RASGEF1B: variants seen among roughly 807,000 people sequenced by gnomAD.
RASGEF1B encodes the protein ras-GEF domain-containing family member 1B.
In RASGEF1B, 30 loss-of-function variants were observed where a neutral mutation model predicts 65.7. The ratio of observed to expected loss-of-function variants is 0.46; its 90% CI spans 0.34 to 0.62. RASGEF1B has a LOEUF of 0.62. RASGEF1B is among the 20% of genes least tolerant of loss of function. The pLI is 0.01. For missense variants in RASGEF1B, 495 were observed against 580.1 expected, an observed-to-expected ratio of 0.85 and a Z score of 1.51; for synonymous variants, 175 against 194.8, an observed-to-expected ratio of 0.90 and a Z score of 0.85.
intron 1 of RASGEF1B, among the ~76,000 whole-genome samples, chr4:81,462,854 AC>A (rs1373786033): frequency 6.6e-6 from 1 of 152,190 alleles, no homozygotes; most frequent in African/African-American, 2.4e-5. Context: ...TTTACTGACT[AC>A]AAATGCCTTC....
At chr4:81,462,103 T>C (rs1238853134) in intron 1 of RASGEF1B, among the ~76,000 whole-genome samples, 1 of 152,206 alleles carries the variant, frequency 6.6e-6, no homozygotes, top group Non-Finnish European at 1.5e-5. Context: ...TTCTGGCACT[T>C]AATGGCTGTG....
At chr4:81,467,895 A>C (rs1032929187) in intron 1 of RASGEF1B, among the ~76,000 whole-genome samples, 5 of 152,344 alleles carry the variant, frequency 3.3e-5, no homozygotes, top group Non-Finnish European at 7.3e-5. Flanking sequence ...AGTGCTGTCA[A>C]AAAGAACTTT....
At chr4:81,436,021 A>G (rs1721620925) in intron 10 of RASGEF1B, among the ~76,000 whole-genome samples, 1 of 151,830 alleles carries the variant, frequency 6.6e-6, no homozygotes, top group South Asian at 2.1e-4. Flanking sequence ...GGGTCAAGCA[A>G]TCCTCTTATC....
chr4:81,439,934 G>T (rs765605205), intron 10 of RASGEF1B, among the ~76,000 whole-genome samples: 3 of 152,082 alleles, frequency 2.0e-5, no homozygotes, highest in Non-Finnish European at 4.4e-5. Flanking sequence ...AACCAAGTTC[G>T]CATTTATTAA....
At chr4:81,466,822 G>GAA (rs1199735968) in intron 1 of RASGEF1B, among the ~76,000 whole-genome samples, 2 of 140,428 alleles carry the variant, frequency 1.4e-5, no homozygotes, top group East Asian at 4.3e-4. Context: ...AAGAAAGAAA[G>GAA]AAAATTTCCA....
chr4:81,466,132 G>A (rs1722795585), intron 1 of RASGEF1B, among the ~76,000 whole-genome samples: 2 of 152,120 alleles, frequency 1.3e-5, no homozygotes. Context: ...TTTGTTTAGT[G>A]GGGAGAGGTT....
At chr4:81,436,640 C>T (rs1417402000) in intron 10 of RASGEF1B, among the ~76,000 whole-genome samples, 3 of 152,162 alleles carry the variant, frequency 2.0e-5, no homozygotes, top group Non-Finnish European at 4.4e-5. Context: ...CCACTAAACA[C>T]CGATCGTGGG....
chr4:81,438,439 C>A (rs1217371347), intron 10 of RASGEF1B, among the ~76,000 whole-genome samples: 3 of 152,244 alleles, frequency 2.0e-5, no homozygotes, highest in Admixed American at 6.5e-5. Context: ...CGTGGGCCAC[C>A]ACGCCCGGCC....
At chr4:81,461,270 G>A (rs994648944) in intron 1 of RASGEF1B, among the ~76,000 whole-genome samples, 2 of 152,182 alleles carry the variant, frequency 1.3e-5, no homozygotes, top group African/African-American at 2.4e-5. Flanking sequence ...AAACGAGGAG[G>A]CAGGGACGTG....
chr4:81,440,897 A>C lies in RASGEF1B; in HGVS notation c.1041T>G (p.Asn347Lys), dbSNP rs1439411726. The change falls in exon 10 of 14, where the codon AAT becomes AAG. Residue 347 changes from asparagine to lysine, a missense_variant. Asn to Lys is a moderately conservative substitution (Grantham distance 94). Coordinates refer to ENST00000264400, the MANE Select transcript of RASGEF1B (RefSeq NM_152545.3). Reference protein sequence around the residue: ...HQMDPSSNFYNYRTALRGAAQ... With the variant: ...HQMDPSSNFYKYRTALRGAAQ... The stretch of plus-strand genomic sequence containing the variant: ...CTGCCCCACGAAGAGCTGTTCGATA[A>C]TTATAGAAATTGCTTGAAGGGTCCA... The C allele has an allele frequency of 1.2e-6, 2 of 1,612,970 alleles. No homozygotes were observed. Among genetic ancestry groups the C allele is most frequent in the African/African-American group, 2.7e-5 (2 of 75,056 alleles).
chr4:81,437,246 A>T (rs982031627), intron 10 of RASGEF1B, among the ~76,000 whole-genome samples: 1 of 152,178 alleles, frequency 6.6e-6, no homozygotes, highest in African/African-American at 2.4e-5. Context: ...CTAAAAAATA[A>T]AAAAATAATA....
At chr4:81,436,277 G>T (rs1721629888) in intron 10 of RASGEF1B, among the ~76,000 whole-genome samples, 1 of 152,130 alleles carries the variant, frequency 6.6e-6, no homozygotes, top group Admixed American at 6.5e-5. Flanking sequence ...CCTAGCCTGT[G>T]TATGATGAAC....
intron 10 of RASGEF1B, among the ~76,000 whole-genome samples, chr4:81,435,775 T>G (rs1721611696): frequency 2.1e-5 from 1 of 47,358 alleles, no homozygotes; most frequent in Admixed American, 1.6e-4. Flanking sequence ...GCGCCTGGCC[T>G]TTTTTTTTTT....
chr4:81,443,294 A>AATTTACATAC (rs1560699291), intron 8 of RASGEF1B, among the ~76,000 whole-genome samples: 1 of 152,228 alleles, frequency 6.6e-6, no homozygotes, highest in Non-Finnish European at 1.5e-5. Context: ...ACTGAGGTAC[A>AATTTACATAC]ATTTACATAC....
chr4:81,447,992 G>T, intron 5 of RASGEF1B, 77 bp downstream of exon 5: 1 of 1,208,300 alleles, frequency 8.3e-7, no homozygotes, highest in East Asian at 2.3e-5. Context: ...TGACATTACC[G>T]CTGACAAATA....
intron 4 of RASGEF1B, chr4:81,452,085 G>C (rs1722279988): frequency 6.6e-6 from 1 of 152,342 alleles, no homozygotes; most frequent in Non-Finnish European, 1.5e-5. Context: ...TGCTTTACCA[G>C]CATATCTGCT....
chr4:81,432,418 G>A lies in RASGEF1B; in HGVS notation c.1325-47C>T, dbSNP rs770638278. On this transcript the variant is annotated intron_variant, in intron 12 of 13. Coordinates refer to ENST00000264400, the MANE Select transcript of RASGEF1B (RefSeq NM_152545.3). ...TGCATTAACATTAAAGCCTTCTCCTGATATATTATCTACCACCACCCTTGT... is the reference window on the plus strand; with the variant it reads ...TGCATTAACATTAAAGCCTTCTCCTAATATATTATCTACCACCACCCTTGT... 3 of 1,211,028 alleles carry A rather than the reference G, an allele frequency of 2.5e-6. No homozygotes were observed. In the African/African-American group the frequency reaches 4.5e-5, roughly 18 times the overall value. 75.0% of individuals were successfully genotyped at this position (1,211,028 alleles called of 1,614,324 possible). A position where few individuals can be genotyped will look rare whatever the true frequency, so the allele number is the denominator to read the frequency against.
At chr4:81,469,649 A>G (rs1722956465) in intron 1 of RASGEF1B, among the ~76,000 whole-genome samples, 1 of 133,252 alleles carries the variant, frequency 7.5e-6, no homozygotes, top group African/African-American at 3.0e-5. Context: ...ATATATGTGT[A>G]TATATACACA....
chr4:81,466,504 A>G (rs969254170), intron 1 of RASGEF1B, among the ~76,000 whole-genome samples: 7 of 152,072 alleles, frequency 4.6e-5, no homozygotes, highest in Non-Finnish European at 7.4e-5. Context: ...TCACGCCTGT[A>G]ATCCCAGCTC....
Sources: gnomAD v4.1 joint callset for allele counts (sites outside exome capture counted in the v4.1 genomes callset) on GRCh38, gnomAD v4.1.1 for gene constraint, MANE v1.5 for transcripts, NCBI Gene and HGNC (gene_info 2026-07-23, HGNC 2026-07-21) for gene names.